Variants in AARS1 observed in about 807,000 individuals in gnomAD.
AARS1 encodes the protein alanyl-tRNA synthetase 1.
A neutral mutation model predicts 108.9 loss-of-function variants in AARS1; 72 were observed. The observed-to-expected ratio is 0.66, with a 90% CI of 0.55 to 0.80. The LOEUF (loss-of-function observed/expected upper bound fraction) is 0.80. Among genes scored for constraint, AARS1 ranks in the 30% least tolerant of loss-of-function variants. The pLI, the probability that AARS1 is intolerant of heterozygous loss-of-function variation, is 0.00. For synonymous variants in AARS1, 489 were observed against 465.7 expected, an observed-to-expected ratio of 1.05 and a Z score of -0.64; for missense variants, 1,193 against 1,233.2, an observed-to-expected ratio of 0.97 and a Z score of 0.49.
Position 70,274,121 on chromosome 16 carries a change from A to T in AARS1, c.480-2149T>A, listed in dbSNP as rs753563501. On this transcript the variant is annotated intron_variant, in intron 4 of 20. Transcript: ENST00000261772. The stretch of plus-strand genomic sequence containing the variant: ...GAGGCCGAGGTGGGTGAATCACCTG[A>T]GGTCAGGAGTTCGAGACCAGCCTGA... Among the ~76,000 whole-genome samples, 33 of 147,650 alleles carry T rather than the reference A, an allele frequency of 2.2e-4. No individual in the cohort carries two copies. The South Asian group carries it at 5.2e-3, about 23-fold the overall frequency.
intron 11 of AARS1, among the ~76,000 whole-genome samples, 193 bp from the exon 12 acceptor site, chr16:70,262,717 C>G (rs1490289291): frequency 1.3e-5 from 2 of 151,928 alleles, no homozygotes; most frequent in Non-Finnish European, 2.9e-5. Flanking sequence ...CCCTATAATC[C>G]CAGCACTTTG....
chr16:70,273,460 G>A (rs1046485715), intron 4 of AARS1, among the ~76,000 whole-genome samples: 4 of 152,112 alleles, frequency 2.6e-5, no homozygotes, highest in Non-Finnish European at 5.9e-5. Context: ...GCTCATATCT[G>A]TAATCCCAGC....
intron 15 of AARS1, 24 bp from the exon 16 acceptor site, chr16:70,255,860 A>G: frequency 6.2e-7 from 1 of 1,603,578 alleles, no homozygotes; most frequent in Non-Finnish European, 8.5e-7. Context: ...CACAAAGTCC[A>G]TAGTGAAAGA....
At chr16:70,288,844 G>A (rs1960946169) in intron 1 of AARS1, among the ~76,000 whole-genome samples, 1 of 152,160 alleles carries the variant, frequency 6.6e-6, no homozygotes, top group Non-Finnish European at 1.5e-5. Flanking sequence ...TGGGATTACA[G>A]GCGTGAGCCT....
rs1193073600 is a variant in AARS1 at position 70,259,776 on chromosome 16, CAG to C, written c.1786-592_1786-591del. Among the ~76,000 whole-genome samples the C allele has an allele frequency of 3.4e-5, 5 of 148,920 alleles. No homozygotes were observed. The South Asian group carries it at 8.4e-4, about 25-fold the overall frequency. On this transcript the variant is annotated intron_variant, in intron 13 of 20. Coordinates refer to ENST00000261772, the MANE Select transcript of AARS1 (RefSeq NM_001605.3). ...GTATGTGTTTATAAATTTTTATAAA[CAG>C]TTTTTTTTTTTTATAAGGAGTTTCG...
intron 17 of AARS1, chr16:70,254,281 C>G (rs1020488953): frequency 6.5e-6 from 4 of 612,204 alleles, no homozygotes; most frequent in Non-Finnish European, 8.6e-6. Flanking sequence ...CTGGGAACAG[C>G]CTGTGATAAG....
chr16:70,258,000 G>T, intron 15 of AARS1, 33 bp downstream of exon 15: 1 of 1,611,500 alleles, frequency 6.2e-7, no homozygotes, highest in South Asian at 1.1e-5. Context: ...GAAGGTAGAT[G>T]ACCTGTCTAC....
At chr16:70,263,665 C>T (rs73575193) in intron 11 of AARS1, among the ~76,000 whole-genome samples, 93,999 of 151,888 alleles carry the variant, frequency 0.62, 30,613 homozygotes, top group African/African-American at 0.82. Flanking sequence ...GACAGGGTCT[C>T]ACTCTGTAGC....
chr16:70,263,410 A>G (rs1328500111), intron 11 of AARS1, among the ~76,000 whole-genome samples: 1 of 151,974 alleles, frequency 6.6e-6, no homozygotes. Flanking sequence ...CGTGTCCACT[A>G]CAATACAAAA....
At chr16:70,262,238 A>C in intron 12 of AARS1, 108 bp downstream of exon 12, 1 of 1,360,060 alleles carries the variant, frequency 7.4e-7, no homozygotes, top group Non-Finnish European at 1.1e-6. Flanking sequence ...ACCCAACCCA[A>C]AGGTGTGTCA....
At chr16:70,288,092 CT>C (rs1178629115) in intron 1 of AARS1, among the ~76,000 whole-genome samples, 1 of 128,710 alleles carries the variant, frequency 7.8e-6, no homozygotes, top group Non-Finnish European at 1.6e-5. Context: ...CAGCCTTCCC[CT>C]TCTTCTTTTT....
intron 7 of AARS1, 106 bp from the exon 8 acceptor site, chr16:70,268,485 T>C (rs1960319199): frequency 3.4e-6 from 3 of 890,128 alleles, no homozygotes; most frequent in South Asian, 1.5e-5. Flanking sequence ...CTTTCTTTTA[T>C]CCTAAGCCTG....
rs1409095813 is a variant in AARS1, at chr16:70,267,526, A to G, written c.1222+133T>C. 6.1e-6 allele frequency: 7 copies of G among 1,145,188 alleles called. No individual in the cohort carries two copies. In the East Asian group the frequency reaches 1.7e-4, roughly 29 times the overall value. The allele number at this position is 1,145,188 out of a possible 1,614,324, so 70.9% of individuals were successfully genotyped here. A position where few individuals can be genotyped will look rare whatever the true frequency, so the allele number is the denominator to read the frequency against. On this transcript the variant is annotated intron_variant, in intron 9 of 20. Transcript: ENST00000261772. ...CATTTTACTATAAATTCCAGTTTGC[A>G]CCAAAAGCAATTCAATCAAGCTATG...
At chr16:70,272,399 G>A (rs984810240) in intron 4 of AARS1, among the ~76,000 whole-genome samples, 2 of 150,776 alleles carry the variant, frequency 1.3e-5, no homozygotes, top group South Asian at 2.1e-4. Context: ...CCAGCTACTC[G>A]GGAGGCTGAG....
chr16:70,272,925 A>ACACACAC (rs1567608990), intron 4 of AARS1, among the ~76,000 whole-genome samples: 17 of 71,092 alleles, frequency 2.4e-4, no homozygotes, highest in African/African-American at 1.3e-3. Context: ...CACACACACA[A>ACACACAC]AAGATTGTGC....
In AARS1 at chr16:70,252,791, C is replaced by A. The variant is rs746908178; in HGVS notation, c.2837G>T (p.Gly946Val). 3 of 1,614,182 alleles carry A rather than the reference C, an allele frequency of 1.9e-6. No homozygotes were observed. The highest frequency in any genetic ancestry group is 2.5e-6 in the Non-Finnish European group (3 of 1,180,030). The change falls in exon 21 of 21, where the codon GGC (glycine) becomes GTC (valine). Residue 946 changes from glycine (G) to valine (V), a missense_variant. Gly to Val is a moderately radical substitution (Grantham distance 109, BLOSUM62 -3). Transcript: ENST00000261772. ...VSAQATGKNV[G>V]CLQEALQLAT... The stretch of plus-strand genomic sequence containing the variant: ...CAGCTGCAGCGCCTCCTGCAGGCAG[C>A]CAACGTTCTTGCCTGTGGCCTGTGC...
Position 70,276,951 on chromosome 16 carries a change from C to T in AARS1, c.333+15G>A. The T allele has an allele frequency of 6.2e-7, 1 of 1,614,078 alleles. No homozygotes were observed. Among genetic ancestry groups the T allele is most frequent in the African/African-American group, 1.3e-5 (1 of 75,050 alleles). ...TTTCCTCAAAACCCTAGTGGTTCTT[C>T]TGCTCTGAACTTACCTTAAAGTAAT... On this transcript the variant is annotated intron_variant, in intron 3 of 20. Transcript: ENST00000261772.
At position 70,263,342 on chromosome 16, in the gene AARS1, C is replaced by T. The variant is rs575666160; in HGVS notation, c.1493-818G>A. On this transcript the variant is annotated intron_variant, in intron 11 of 20. Coordinates refer to ENST00000261772, the MANE Select transcript of AARS1 (RefSeq NM_001605.3). The stretch of plus-strand genomic sequence containing the variant: ...ATCCTGGCACTTTGTGAGGCTGAGA[C>T]GGGTGGATAACCTGAGCTCAGCAGT... Among the ~76,000 whole-genome samples, 61 of 152,258 alleles carry T rather than the reference C, an allele frequency of 4.0e-4. No individual in the cohort carries two copies. In the South Asian group the frequency reaches 0.011, roughly 28 times the overall value.
chr16:70,264,262 G>T (rs1426657944), intron 11 of AARS1, among the ~76,000 whole-genome samples: 2 of 151,320 alleles, frequency 1.3e-5, no homozygotes, highest in African/African-American at 4.8e-5. Flanking sequence ...AAAAAAGAAT[G>T]CTATTAGGAT....
Sources: gnomAD v4.1 joint callset for allele counts (sites outside exome capture counted in the v4.1 genomes callset) on GRCh38, gnomAD v4.1.1 for gene constraint, MANE v1.5 for transcripts, NCBI Gene and HGNC (gene_info 2026-07-23, HGNC 2026-07-21) for gene names.